The following FGF13 variants were observed in gnomAD, a reference collection of about 807,000 sequenced individuals.
FGF13 encodes the protein fibroblast growth factor 13.
FGF13 carries 2 observed loss-of-function variants against 19.5 expected under a neutral mutation model. The observed-to-expected ratio is 0.10, with a 90% CI of 0.04 to 0.32. FGF13 has a LOEUF of 0.32. Ranked by LOEUF, FGF13 falls within the 10% of genes least tolerant of loss-of-function variation. The pLI is 1.00. For missense variants in FGF13, 113 were observed against 192.7 expected, an observed-to-expected ratio of 0.59 and a Z score of 2.45; for synonymous variants, 72 against 76.9, an observed-to-expected ratio of 0.94 and a Z score of 0.33.
At chrX:138,708,741 G>T in intron 2 of FGF13, 77 bp downstream of exon 2, 1 of 640,309 alleles carries the variant, frequency 1.6e-6, no homozygotes, top group Non-Finnish European at 2.5e-6. Flanking sequence ...TTAGGAAAGC[G>T]TATTTATTTT....
intron 1 of FGF13, among the ~76,000 whole-genome samples, chrX:139,103,745 A>G (rs1221994037): frequency 8.9e-6 from 1 of 112,327 alleles, no homozygotes; most frequent in Non-Finnish European, 1.9e-5. Flanking sequence ...GAGCTACTGC[A>G]GTTATCCAAG....
chrX:138,916,592 T>C (rs909708393), intron 1 of FGF13, among the ~76,000 whole-genome samples: 23 of 112,208 alleles, frequency 2.0e-4, no homozygotes, highest in African/African-American at 7.4e-4. Flanking sequence ...AATATGAAAC[T>C]GGCAGAGCAA....
At chrX:138,868,874 G>A (rs2091343345) in intron 1 of FGF13, among the ~76,000 whole-genome samples, 1 of 110,759 alleles carries the variant, frequency 9.0e-6, no homozygotes. Flanking sequence ...AATTTCCAGG[G>A]ATGTGTCCAG....
chrX:138,843,743 CCAAA>C (rs1020248859), intron 3 of FGF13, among the ~76,000 whole-genome samples: 1 of 111,378 alleles, frequency 9.0e-6, no homozygotes. Flanking sequence ...AATTTTTTTC[CCAAA>C]CACTCTACCT....
At chrX:138,971,500 C>T (rs1025176625) in intron 1 of FGF13, among the ~76,000 whole-genome samples, 1 of 111,017 alleles carries the variant, frequency 9.0e-6, no homozygotes, top group Admixed American at 9.6e-5. Context: ...TTCATAAGTC[C>T]CTTGTCAGAC....
intron 1 of FGF13, among the ~76,000 whole-genome samples, chrX:139,090,261 C>T (rs913638686): frequency 1.8e-5 from 2 of 111,534 alleles, no homozygotes; most frequent in African/African-American, 6.5e-5. Flanking sequence ...AGATCAAGAA[C>T]CTGACATCAC....
At chrX:138,960,057 T>C (rs2091861600) in intron 1 of FGF13, among the ~76,000 whole-genome samples, 1 of 112,126 alleles carries the variant, frequency 8.9e-6, no homozygotes, top group African/African-American at 3.2e-5. Context: ...AATTTGATCC[T>C]GTCATTTTGA....
chrX:138,939,619 G>T (rs2091748649), intron 1 of FGF13, among the ~76,000 whole-genome samples: 1 of 111,023 alleles, frequency 9.0e-6, no homozygotes, highest in Non-Finnish European at 1.9e-5. Flanking sequence ...CCCTGTCTGT[G>T]TCCATGTGCT....
chrX:138,783,765 C>T (rs1222734059), intron 3 of FGF13, among the ~76,000 whole-genome samples: 1 of 108,387 alleles, frequency 9.2e-6, no homozygotes, highest in Non-Finnish European at 1.9e-5. Flanking sequence ...GGCGATTCCT[C>T]AGGGATCTAG....
At chrX:138,939,076 C>T (rs908443048) in intron 1 of FGF13, among the ~76,000 whole-genome samples, 4 of 112,000 alleles carry the variant, frequency 3.6e-5, no homozygotes, top group African/African-American at 1.3e-4. Flanking sequence ...TTTTAAAGTA[C>T]TTGGAGAATA....
At position 138,784,352 on chromosome X, in the gene FGF13, G is replaced by T. The variant is rs889944771; in HGVS notation, c.217+73160C>A. ...AATTAAAAAAAAAAAAAAAGAAAAGGTGTCCTGAGTTCTCTTGTGTCAGTT... is the reference window on the plus strand; with the variant it reads ...AATTAAAAAAAAAAAAAAAGAAAAGTTGTCCTGAGTTCTCTTGTGTCAGTT... On this transcript the variant is annotated intron_variant, in intron 3 of 6. Transcript: ENST00000436198. 1.1e-3 allele frequency among the ~76,000 whole-genome samples: 118 copies of T among 107,274 alleles called. 1 individual carries two copies. The highest frequency in any genetic ancestry group is 2.0e-3 in the Non-Finnish European group (106 of 51,757). The allele number at this position is 107,274 out of a possible 115,157, so 93.2% of individuals were successfully genotyped here. A position where few individuals can be genotyped will look rare whatever the true frequency, so the allele number is the denominator to read the frequency against.
chrX:139,203,803 C>G (rs765367295), upstream of FGF13, among the ~76,000 whole-genome samples: 1 of 112,381 alleles, frequency 8.9e-6, no homozygotes, highest in Non-Finnish European at 1.9e-5. Context: ...GCGCCACCAC[C>G]GTGCGTCCAG....
intron 1 of FGF13, among the ~76,000 whole-genome samples, chrX:139,032,080 T>C (rs2092228914): frequency 9.0e-6 from 1 of 111,352 alleles, no homozygotes; most frequent in Admixed American, 9.5e-5. Flanking sequence ...CCACAGCAGA[T>C]ACAAAATAAT....
At chrX:139,063,566 G>C (rs2092343085) in intron 1 of FGF13, among the ~76,000 whole-genome samples, 1 of 111,203 alleles carries the variant, frequency 9.0e-6, no homozygotes, top group Non-Finnish European at 1.9e-5. Flanking sequence ...TCTATTTCCA[G>C]TTTGTCAGGT....
At chrX:139,145,129 T>A (rs2083877471) in intron 1 of FGF13, among the ~76,000 whole-genome samples, 1 of 111,903 alleles carries the variant, frequency 8.9e-6, no homozygotes, top group African/African-American at 3.3e-5. Context: ...TGTTTCTGCA[T>A]CTGATTTGTT....
At chrX:138,981,311 G>T (rs1466257180) in intron 1 of FGF13, among the ~76,000 whole-genome samples, 1 of 74,170 alleles carries the variant, frequency 1.3e-5, no homozygotes, top group Non-Finnish European at 2.5e-5. Flanking sequence ...GAACAAAATT[G>T]TGTGCTTACA....
chrX:138,747,264 T>C (rs2090363121), intron 3 of FGF13, among the ~76,000 whole-genome samples: 1 of 111,531 alleles, frequency 9.0e-6, no homozygotes, highest in Admixed American at 9.5e-5. Flanking sequence ...GAGAGCAGGG[T>C]AGGCCTGGAG....
At chrX:138,919,954 G>A (rs749259102) in intron 1 of FGF13, among the ~76,000 whole-genome samples, 3 of 110,891 alleles carry the variant, frequency 2.7e-5, no homozygotes, top group Non-Finnish European at 1.9e-5. Context: ...GAGGAGGCTG[G>A]GGAATGTTGT....
At chrX:139,175,988 C>G (rs1208527219) in intron 1 of FGF13, among the ~76,000 whole-genome samples, 2 of 111,781 alleles carry the variant, frequency 1.8e-5, no homozygotes, top group African/African-American at 6.5e-5. Context: ...ACCAGCTCCT[C>G]TTTGTACCAA....
Sources: allele counts gnomAD v4.1 joint callset (sites outside exome capture counted in the v4.1 genomes callset), GRCh38; gene constraint gnomAD v4.1.1; transcripts MANE v1.5; gene names NCBI Gene and HGNC (gene_info 2026-07-23, HGNC 2026-07-21).